PYM1: variants seen among roughly 807,000 people sequenced by gnomAD.
PYM1 encodes the protein PYM1 exon junction complex associated factor, also known as partner of Y14 and mago.
Under a neutral mutation model 20.7 loss-of-function variants are expected in PYM1, and 7 were observed. That is an observed-to-expected ratio of 0.34 (90% CI 0.19 to 0.64). PYM1 has a LOEUF of 0.64. Among genes scored for constraint, PYM1 ranks in the 30% least tolerant of loss-of-function variants. The probability of loss-of-function intolerance (pLI) is 0.74; values close to 1 mark genes in which losing one functional copy is unlikely to be tolerated. For synonymous variants in PYM1, 100 were observed against 99.2 expected (o/e 1.01, Z -0.05); for missense variants, 194 against 250.0 (o/e 0.78, Z 1.51).
chr12:55,902,085 G>A lies in PYM1; in HGVS notation c.402C>T (p.Ala134=), dbSNP rs1320255305. 1 of 1,613,970 alleles carries A rather than the reference G, an allele frequency of 6.2e-7. No individual in the cohort carries two copies. The highest frequency in any genetic ancestry group is 1.3e-5 in the African/African-American group (1 of 74,894). The stretch of plus-strand genomic sequence containing the variant: ...CAGGCTGGTCAGATGCAGCTGTGGG[G>A]GCTGCCCGAGAGCCCTGTGGAGCAC... ...LPSAPQGSRA[A]PTAASDQPDS... The change falls in exon 3 of 3, where the codon GCC becomes GCT. Residue 134 remains alanine, a synonymous_variant. Transcript: ENST00000408946.
intron 1 of PYM1, among the ~76,000 whole-genome samples, chr12:55,922,149 T>C (rs1883108538): frequency 6.6e-6 from 1 of 152,194 alleles, no homozygotes; most frequent in East Asian, 1.9e-4. Flanking sequence ...TACAGGCATA[T>C]GCCACCATGC....
chr12:55,927,245 G>A, intron 1 of PYM1: 1 of 1,279,522 alleles, frequency 7.8e-7, no homozygotes, highest in Non-Finnish European at 1.1e-6. Flanking sequence ...GGCGGAGGTG[G>A]AGGAGGAGGA....
rs1299035082 is a variant in PYM1, at chr12:55,903,320, A to C, written c.131+67T>G. 6 of 1,425,592 alleles carry C rather than the reference A, an allele frequency of 4.2e-6. No homozygotes were observed. The African/African-American group carries it at 8.5e-5, about 20-fold the overall frequency. 88.3% of individuals were successfully genotyped at this position (1,425,592 alleles called of 1,614,324 possible). A position where few individuals can be genotyped will look rare whatever the true frequency, so the allele number is the denominator to read the frequency against. Reference sequence around the variant, plus strand: ...GAGAGTCCTCCCTGAACTTGTAGGCATAAGGATATTCTATCCTTCTGTAGG... The same window carrying C: ...GAGAGTCCTCCCTGAACTTGTAGGCCTAAGGATATTCTATCCTTCTGTAGG... On this transcript the variant is annotated intron_variant, in intron 2 of 2. Coordinates refer to ENST00000408946, the MANE Select transcript of PYM1 (RefSeq NM_032345.3).
chr12:55,904,409 T>C (rs1034540615), intron 1 of PYM1, among the ~76,000 whole-genome samples: 15 of 150,650 alleles, frequency 1.0e-4, no homozygotes, highest in Non-Finnish European at 2.2e-4. Flanking sequence ...CTGACCAACA[T>C]AGTGAAACCC....
rs536464599 is a variant in PYM1 at position 55,925,053 on chromosome 12, T to C, written c.37+2672A>G. Among the ~76,000 whole-genome samples the C allele has an allele frequency of 4.6e-5, 7 of 152,326 alleles. No individual in the cohort carries two copies. The Middle Eastern group carries it at 0.017, about 370-fold the overall frequency. ...TTGGCAGAAGTTAAGTTATATTGAA[T>C]CTGATAGCTCTGTACTTTTTCTCTA... On this transcript the variant is annotated intron_variant, in intron 1 of 2. Coordinates refer to ENST00000408946, the MANE Select transcript of PYM1 (RefSeq NM_032345.3).
Position 55,901,997 on chromosome 12 carries a change from C to T in PYM1, c.490G>A (p.Val164Met), listed in dbSNP as rs890661890. ...TGGATCCGCTGCTGCAGCTCTTCCACCTGCCGGAGTTTCTTCTTTAGGTTC... is the reference window on the plus strand; with the variant it reads ...TGGATCCGCTGCTGCAGCTCTTCCATCTGCCGGAGTTTCTTCTTTAGGTTC... ...IKNLKKKLRQ[V>M]EELQQRIQAG... Residue 164 changes from valine (V) to methionine (M), a missense_variant, in exon 3 of 3, where the codon GTG becomes ATG. By Grantham distance (21) the Val-to-Met change is conservative (BLOSUM62 1). Around this residue, in one of 3 missense-constraint regions of PYM1, gnomAD observed 158 missense variants for 179.0 expected, o/e 0.88. Transcript: ENST00000408946. 20 of 1,614,184 alleles carry T rather than the reference C, an allele frequency of 1.2e-5. No homozygotes were observed. Among genetic ancestry groups the T allele is most frequent in the Non-Finnish European group, 1.7e-5 (20 of 1,180,036 alleles).
At chr12:55,922,050 T>A (rs544825455) in intron 1 of PYM1, among the ~76,000 whole-genome samples, 175 of 152,058 alleles carry the variant, frequency 1.2e-3, no homozygotes, top group African/African-American at 3.4e-3. Flanking sequence ...GTTTTTTTTT[T>A]AAATCTTTTT....
chr12:55,921,034 G>C (rs925486979), intron 1 of PYM1, among the ~76,000 whole-genome samples: 15 of 152,170 alleles, frequency 9.9e-5, no homozygotes, highest in African/African-American at 4.8e-5. Context: ...GCAGTAATCT[G>C]GTAGCAGTGT....
intron 1 of PYM1, among the ~76,000 whole-genome samples, chr12:55,919,389 A>G (rs1292601702): frequency 6.6e-6 from 1 of 152,142 alleles, no homozygotes; most frequent in Non-Finnish European, 1.5e-5. Flanking sequence ...CCTGGGCTCA[A>G]GCAATCCACC....
chr12:55,907,634 G>GA (rs112040261), intron 1 of PYM1, among the ~76,000 whole-genome samples: 100,483 of 126,420 alleles, frequency 0.79, 39,747 homozygotes, highest in Middle Eastern at 0.89. Context: ...CTTCGTCTGG[G>GA]AAAAAAAAAA....
chr12:55,925,240 C>A (rs1332229443), intron 1 of PYM1, among the ~76,000 whole-genome samples: 1 of 152,156 alleles, frequency 6.6e-6, no homozygotes, highest in Non-Finnish European at 1.5e-5. Context: ...AGCTGGGCAG[C>A]ACCAAAGGCC....
intron 1 of PYM1, among the ~76,000 whole-genome samples, chr12:55,923,596 T>G (rs1478876121): frequency 1.3e-5 from 2 of 149,392 alleles, no homozygotes; most frequent in East Asian, 3.9e-4. Flanking sequence ...AATGAAATGA[T>G]GTATGGATTC....
chr12:55,913,585 AAAC>A (rs1241243150), intron 1 of PYM1, among the ~76,000 whole-genome samples: 1 of 152,216 alleles, frequency 6.6e-6, no homozygotes, highest in African/African-American at 2.4e-5. Flanking sequence ...GAGAAAATGA[AAAC>A]AACAGCTGCA....
intron 1 of PYM1, among the ~76,000 whole-genome samples, chr12:55,919,182 C>T (rs1883057241): frequency 6.6e-6 from 1 of 152,196 alleles, no homozygotes; most frequent in Non-Finnish European, 1.5e-5. Flanking sequence ...GATGAGGTCA[C>T]TGTCACCCAG....
At chr12:55,927,136 T>C (rs1375460921) in intron 1 of PYM1, 3 of 1,551,358 alleles carry the variant, frequency 1.9e-6, no homozygotes, top group South Asian at 2.4e-5. Context: ...ACTTCCGGCG[T>C]GAGCGGGCTG....
Position 55,901,726 on chromosome 12 carries a change from G to T in PYM1, c.*146C>A. ...AAGGGAAGGATTGAGGGAGACGCTA[G>T]GCTCTGGAGGACAGAGCTGGGCCGC... On this transcript the variant is annotated 3_prime_UTR_variant, in exon 3 of 3. Transcript: ENST00000408946. The T allele has an allele frequency of 8.7e-7, 1 of 1,155,634 alleles. No homozygotes were observed. The highest frequency in any genetic ancestry group is 1.2e-6 in the Non-Finnish European group (1 of 824,368). The allele number at this position is 1,155,634 out of a possible 1,614,324, so 71.6% of individuals were successfully genotyped here.
chr12:55,925,976 G>A (rs76149942), intron 1 of PYM1, among the ~76,000 whole-genome samples: 2,773 of 152,256 alleles, frequency 0.018, 35 homozygotes, highest in Non-Finnish European at 0.026. Context: ...GCAGCAACCT[G>A]GGTTGTCATC....
At chr12:55,916,460 A>T (rs1300352252) in intron 1 of PYM1, among the ~76,000 whole-genome samples, 1 of 152,052 alleles carries the variant, frequency 6.6e-6, no homozygotes, top group Non-Finnish European at 1.5e-5. Flanking sequence ...GCCCAGTTTC[A>T]CTAGAGGGTA....
intron 1 of PYM1, 21 bp from the exon 2 acceptor site, chr12:55,903,501 T>C (rs758281169): frequency 6.2e-7 from 1 of 1,610,204 alleles, no homozygotes; most frequent in Non-Finnish European, 8.5e-7. Flanking sequence ...AAAAATCAAG[T>C]TGAAAATTAC....
Sources: gnomAD v4.1 joint callset for allele counts (sites outside exome capture counted in the v4.1 genomes callset) on GRCh38, gnomAD v4.1.1 for gene constraint, gnomAD v4.1.1 regional missense constraint, MANE v1.5 for transcripts, NCBI Gene and HGNC (gene_info 2026-07-23, HGNC 2026-07-21) for gene names.